Variants in MRO observed in about 807,000 individuals in gnomAD.
The protein encoded by MRO is protein maestro.
MRO carries 28 observed loss-of-function variants against 31.0 expected under a neutral mutation model. The ratio of observed to expected loss-of-function variants is 0.90; its 90% CI spans 0.67 to 1.24. The LOEUF (loss-of-function observed/expected upper bound fraction) is 1.24, where lower values mean the gene tolerates loss of function less well. MRO is among the 50% of genes most tolerant of loss of function. MRO has a pLI of 0.00. For missense variants in MRO, 332 were observed against 289.2 expected (o/e 1.15, Z -1.07); for synonymous variants, 108 against 108.4 (o/e 1.00, Z 0.02).
At position 50,806,770 on chromosome 18, in the gene MRO, G is replaced by A; in HGVS notation, c.180C>T (p.Pro60=). The change falls in exon 4 of 8, where the codon CCC becomes CCT. Residue 60 remains proline, a synonymous_variant. Transcript: ENST00000398439. The stretch of plus-strand genomic sequence containing the variant: ...TTGCCATGTGACGCTTTTTAGCACT[G>A]GGGTCCCGAGCTCTTTCTGCCAAGA... ...FFILAERARD[P]SAKKRHMAMR... is the part of the protein sequence containing the mutation. 6.2e-7 allele frequency: 1 copy of A among 1,614,108 alleles called. No homozygotes were observed. The highest frequency in any genetic ancestry group is 8.5e-7 in the Non-Finnish European group (1 of 1,180,012).
intron 6 of MRO, among the ~76,000 whole-genome samples, chr18:50,800,747 G>A (rs368411232): frequency 6.3e-4 from 95 of 151,984 alleles, no homozygotes; most frequent in African/African-American, 1.5e-3. Flanking sequence ...TTAGCAGGGC[G>A]TGGTGGTGGG....
chr18:50,819,830 G>T, intron 1 of MRO, 67 bp downstream of exon 1: 1 of 1,537,082 alleles, frequency 6.5e-7, no homozygotes, highest in Non-Finnish European at 8.8e-7. Context: ...ATTTGGGCAG[G>T]GGAGGGAATT....
chr18:50,814,932 G>A (rs970860030), intron 2 of MRO, among the ~76,000 whole-genome samples: 3 of 152,108 alleles, frequency 2.0e-5, no homozygotes, highest in Non-Finnish European at 2.9e-5. Flanking sequence ...ATGGTGGCAC[G>A]TGCCTGTAAT....
At position 50,809,469 on chromosome 18, in the gene MRO, A is replaced by G. The variant is rs144491761; in HGVS notation, c.-4-65T>C. 4.4e-3 allele frequency: 4,998 copies of G among 1,131,766 alleles called. 25 individuals are homozygous for G. Among genetic ancestry groups the G allele is most frequent in the Non-Finnish European group, 6.0e-3 (4,562 of 755,084 alleles). 70.1% of individuals were successfully genotyped at this position (1,131,766 alleles called of 1,614,324 possible). A position where few individuals can be genotyped will look rare whatever the true frequency, so the allele number is the denominator to read the frequency against. ...ACTCATCATCAACAAACATTGTTGT[A>G]CAATGCATTGTGCTGGGGTAAGAAT... On this transcript the variant is annotated intron_variant, in intron 2 of 7. Transcript: ENST00000398439.
intron 2 of MRO, among the ~76,000 whole-genome samples, chr18:50,818,996 T>C (rs1041511808): frequency 2.6e-5 from 4 of 151,804 alleles, no homozygotes; most frequent in Non-Finnish European, 4.4e-5. Flanking sequence ...GAGGTTGCAG[T>C]GAGCCGAGAT....
intron 3 of MRO, 132 bp from the exon 4 acceptor site, chr18:50,806,982 A>T (rs1257001128): frequency 1.2e-5 from 11 of 888,818 alleles, no homozygotes; most frequent in Non-Finnish European, 1.7e-5. Flanking sequence ...CCTACTAAAG[A>T]CGGCTGGGTT....
At chr18:50,820,454 C>T (rs935366560), upstream of MRO, among the ~76,000 whole-genome samples, 3 of 152,104 alleles carry the variant, frequency 2.0e-5, no homozygotes, top group East Asian at 1.9e-4. Flanking sequence ...ATCTATTTAA[C>T]AATAATTAGT....
upstream of MRO, among the ~76,000 whole-genome samples, chr18:50,821,135 C>T (rs1371190232): frequency 1.3e-5 from 2 of 152,192 alleles, no homozygotes; most frequent in East Asian, 3.8e-4. Context: ...CAGGCAAAAG[C>T]ATTTTGGTTT....
chr18:50,809,144 C>CAAAAAAAAAAAAAA lies in MRO; in HGVS notation c.99+144_99+157dup, dbSNP rs61728184. 1.1e-3 allele frequency among the ~76,000 whole-genome samples: 108 copies of CAAAAAAAAAAAAAA among 99,090 alleles called. 16 individuals are homozygous for CAAAAAAAAAAAAAA. The highest frequency in any genetic ancestry group is 1.3e-3 in the Non-Finnish European group (70 of 52,068). The allele number at this position is 99,090 out of a possible 152,430, so 65.0% of individuals were successfully genotyped here. ...TGGGCGACAGAGCGAGACTCCGTCT[C>CAAAAAAAAAAAAAA]AAAAAAAAAAAAAAAAAAAAAAAAA... On this transcript the variant is annotated intron_variant, in intron 3 of 7. Coordinates refer to ENST00000398439, the MANE Select transcript of MRO (RefSeq NM_031939.6).
intron 2 of MRO, chr18:50,815,361 T>C: frequency 3.8e-6 from 1 of 261,282 alleles, no homozygotes; most frequent in South Asian, 4.9e-5. Context: ...AAGGAGGCTA[T>C]GGTGGTGAAG....
chr18:50,796,166 A>C lies in MRO; in HGVS notation c.*3171T>G, dbSNP rs1309854238. The C allele has an allele frequency of 6.6e-6, 1 of 152,206 alleles. No homozygotes were observed. The highest frequency in any genetic ancestry group is 1.5e-5 in the Non-Finnish European group (1 of 68,026). The allele number at this position is 152,206 out of a possible 1,614,324, so 9.4% of individuals were successfully genotyped here. ...TTCAGATAAACGTGGGGAAGGGGAA[A>C]CTTGAAATGCACAAGCATAAAAGTA... is the stretch of plus-strand genomic sequence containing the variant. On this transcript the variant is annotated 3_prime_UTR_variant, in exon 8 of 8. Transcript: ENST00000398439.
At chr18:50,815,408 G>A (rs576569981) in intron 2 of MRO, 6 of 245,036 alleles carry the variant, frequency 2.4e-5, no homozygotes, top group African/African-American at 1.1e-4. Flanking sequence ...GGAGATGACA[G>A]TGGATAGAAT....
chr18:50,801,233 G>A, intron 6 of MRO, 116 bp downstream of exon 6: 1 of 854,052 alleles, frequency 1.2e-6, no homozygotes, highest in Non-Finnish European at 1.8e-6. Context: ...CAGAAACGCT[G>A]CTAAGTATCT....
At position 50,819,637 on chromosome 18, in the gene MRO, G is replaced by C; in HGVS notation, c.-61C>G. On this transcript the variant is annotated 5_prime_UTR_variant, in exon 2 of 8. Coordinates refer to ENST00000398439, the MANE Select transcript of MRO (RefSeq NM_031939.6). ...GAACCGGAGCCCGTTCCTGACTCGG[G>C]AGGGCTGCTTTCCCGGGTAGTAGCC... 3 of 1,551,644 alleles carry C rather than the reference G, an allele frequency of 1.9e-6. No homozygotes were observed. Among genetic ancestry groups the C allele is most frequent in the Non-Finnish European group, 2.6e-6 (3 of 1,146,962 alleles).
intron 6 of MRO, 62 bp downstream of exon 6, chr18:50,801,287 G>C: frequency 6.9e-7 from 1 of 1,443,456 alleles, no homozygotes; most frequent in Non-Finnish European, 9.3e-7. Flanking sequence ...GTCTCAACTC[G>C]CAACTCCCTT....
chr18:50,819,202 T>C (rs1483484372), intron 2 of MRO, among the ~76,000 whole-genome samples: 1 of 152,342 alleles, frequency 6.6e-6, no homozygotes, highest in East Asian at 1.9e-4. Flanking sequence ...TTTCAGTCAC[T>C]GTGCTATAAG....
chr18:50,809,283 A>C lies in MRO; in HGVS notation c.99+19T>G. 6.3e-7 allele frequency: 1 copy of C among 1,594,182 alleles called. No homozygotes were observed. On this transcript the variant is annotated intron_variant, in intron 3 of 7. Coordinates refer to ENST00000398439, the MANE Select transcript of MRO (RefSeq NM_031939.6). ...AGCTGCTGGGAGGAGAAATTTGTTCATAATATTTTGTGTCAGACCTTGGAA... is the reference window on the plus strand; with the variant it reads ...AGCTGCTGGGAGGAGAAATTTGTTCCTAATATTTTGTGTCAGACCTTGGAA...
At chr18:50,803,591 G>A (rs935125290) in intron 5 of MRO, among the ~76,000 whole-genome samples, 4 of 152,078 alleles carry the variant, frequency 2.6e-5, no homozygotes, top group Admixed American at 6.5e-5. Flanking sequence ...CCATCTCCCC[G>A]GAGACATCTG....
At chr18:50,815,698 G>T in intron 2 of MRO, 1 of 439,374 alleles carries the variant, frequency 2.3e-6, no homozygotes, top group East Asian at 6.3e-5. Context: ...TATGGATCTG[G>T]TAGTGGAAAT....
Sources: gnomAD v4.1 joint callset for allele counts (sites outside exome capture counted in the v4.1 genomes callset) on GRCh38, gnomAD v4.1.1 for gene constraint, MANE v1.5 for transcripts, NCBI Gene and HGNC (gene_info 2026-07-23, HGNC 2026-07-21) for gene names.